The following TMX4 variants were observed in gnomAD, a reference collection of about 807,000 sequenced individuals.
TMX4 encodes thioredoxin-related transmembrane protein 4.
TMX4 carries 23 observed loss-of-function variants against 33.3 expected under a neutral mutation model. That is an observed-to-expected ratio of 0.69 (90% CI 0.50 to 0.98). The LOEUF is 0.98. Ranked by LOEUF, TMX4 falls within the 50% of genes least tolerant of loss-of-function variation. TMX4 has a pLI of 0.00. For synonymous variants in TMX4, 164 were observed against 161.5 expected, an observed-to-expected ratio of 1.02 and a Z score of -0.12; for missense variants, 399 against 448.9, an observed-to-expected ratio of 0.89 and a Z score of 1.01.
At chr20:8,010,340 A>G (rs2050747931) in intron 1 of TMX4, 25 bp from the exon 2 acceptor site, 2 of 1,475,426 alleles carry the variant, frequency 1.4e-6, no homozygotes, top group Non-Finnish European at 1.9e-6. Context: ...TAAGAATTAT[A>G]TTGATAAATA....
chr20:7,985,322 G>A (rs2050626879), intron 6 of TMX4, among the ~76,000 whole-genome samples: 1 of 148,098 alleles, frequency 6.8e-6, no homozygotes, highest in African/African-American at 2.5e-5. Flanking sequence ...CACCCAGGCT[G>A]GAGTACAGTG....
rs150263365 is a variant in TMX4, at chr20:7,994,055, T to C, written c.513+1971A>G. Among the ~76,000 whole-genome samples, 1,068 of 152,166 alleles carry C rather than the reference T, an allele frequency of 7.0e-3. 15 individuals are homozygous for C. The highest frequency in any genetic ancestry group is 0.025 in the African/African-American group (1,018 of 41,506). ...TTATAAAAAAGAAAACACATGGTAT[T>C]AATACTAGATAAAACTATTTTACAA... On this transcript the variant is annotated intron_variant, in intron 5 of 7. Transcript: ENST00000246024.
At chr20:8,000,417 G>C (rs2050700280) in intron 3 of TMX4, among the ~76,000 whole-genome samples, 1 of 152,060 alleles carries the variant, frequency 6.6e-6, no homozygotes, top group South Asian at 2.1e-4. Flanking sequence ...GGACTCCCTT[G>C]AAACCACTCA....
intron 7 of TMX4, 88 bp from the exon 8 acceptor site, chr20:7,982,709 A>G: frequency 7.1e-7 from 1 of 1,413,968 alleles, no homozygotes; most frequent in South Asian, 1.4e-5. Context: ...AAATAAAAAT[A>G]GAGGGTAAGT....
At chr20:7,987,253 C>A (rs1190725269) in intron 6 of TMX4, 35 bp downstream of exon 6, 4 of 1,382,428 alleles carry the variant, frequency 2.9e-6, no homozygotes, top group Non-Finnish European at 4.0e-6. Flanking sequence ...TTCATTTTGC[C>A]TTAAAGATAG....
At chr20:8,016,890 A>G (rs1271895305) in intron 1 of TMX4, among the ~76,000 whole-genome samples, 1 of 152,234 alleles carries the variant, frequency 6.6e-6, no homozygotes, top group Non-Finnish European at 1.5e-5. Context: ...ACATCTTTGA[A>G]CTACTAACAA....
chr20:7,987,254 T>C (rs919991104), intron 6 of TMX4, 34 bp downstream of exon 6: 60 of 1,395,898 alleles, frequency 4.3e-5, no homozygotes, highest in Non-Finnish European at 5.5e-5. Flanking sequence ...TCATTTTGCC[T>C]TAAAGATAGA....
intron 7 of TMX4, among the ~76,000 whole-genome samples, chr20:7,983,006 C>A (rs2050615761): frequency 6.6e-6 from 1 of 152,172 alleles, no homozygotes; most frequent in Non-Finnish European, 1.5e-5. Context: ...GAGAAACAGC[C>A]TCTTTTTCTT....
In TMX4 at chr20:8,019,741, C is replaced by A. The variant is rs2050806568; in HGVS notation, c.-128G>T. 3.8e-6 allele frequency: 3 copies of A among 786,450 alleles called. No homozygotes were observed. In the Admixed American group the frequency reaches 1.3e-4, roughly 35 times the overall value. The allele number at this position is 786,450 out of a possible 1,614,324, so 48.7% of individuals were successfully genotyped here. On this transcript the variant is annotated 5_prime_UTR_variant, in exon 1 of 8. Coordinates refer to ENST00000246024, the MANE Select transcript of TMX4 (RefSeq NM_021156.4). ...CAAGGGCCACCCCGCCTACGCCTAGCGGCGCAGACTGGCGGTGCTCGCAAT... is the reference window on the plus strand; with the variant it reads ...CAAGGGCCACCCCGCCTACGCCTAGAGGCGCAGACTGGCGGTGCTCGCAAT...
chr20:8,015,628 T>C (rs1371570444), intron 1 of TMX4, among the ~76,000 whole-genome samples: 9 of 152,170 alleles, frequency 5.9e-5, no homozygotes, highest in Non-Finnish European at 1.0e-4. Flanking sequence ...ATTTAGTGAG[T>C]TGTCTCTCAA....
intron 3 of TMX4, among the ~76,000 whole-genome samples, chr20:8,000,618 C>G (rs2050701675): frequency 1.3e-5 from 2 of 152,102 alleles, no homozygotes; most frequent in Admixed American, 1.3e-4. Context: ...CACTGTCTTC[C>G]TTGCAGATGT....
At chr20:8,002,315 A>T (rs1354987488) in intron 2 of TMX4, among the ~76,000 whole-genome samples, 1 of 152,208 alleles carries the variant, frequency 6.6e-6, no homozygotes, top group Non-Finnish European at 1.5e-5. Context: ...TACAACCTTT[A>T]TTCTCACAGA....
rs1446218640 is a variant in TMX4 at position 7,978,579 on chromosome 20, G to C, written c.*3672C>G. The C allele has an allele frequency of 6.6e-6, 1 of 152,180 alleles. No individual in the cohort carries two copies. Among genetic ancestry groups the C allele is most frequent in the Non-Finnish European group, 1.5e-5 (1 of 68,038 alleles). The allele number at this position is 152,180 out of a possible 1,614,324, so 9.4% of individuals were successfully genotyped here. ...TTTTGTTTTTTTTCCACTATCAAAAGCCAACTCAGCTGAAGCTTATCTATT... is the reference window on the plus strand; with the variant it reads ...TTTTGTTTTTTTTCCACTATCAAAACCCAACTCAGCTGAAGCTTATCTATT... On this transcript the variant is annotated 3_prime_UTR_variant, in exon 8 of 8. Coordinates refer to ENST00000246024, the MANE Select transcript of TMX4 (RefSeq NM_021156.4).
At position 8,019,638 on chromosome 20, in the gene TMX4, G is replaced by A. The variant is rs575951251; in HGVS notation, c.-25C>T. 1.4e-5 allele frequency: 18 copies of A among 1,328,050 alleles called. No individual in the cohort carries two copies. The highest frequency in any genetic ancestry group is 1.7e-5 in the Non-Finnish European group (18 of 1,039,526). 82.3% of individuals were successfully genotyped at this position (1,328,050 alleles called of 1,614,324 possible). On this transcript the variant is annotated 5_prime_UTR_variant, in exon 1 of 8. Coordinates refer to ENST00000246024, the MANE Select transcript of TMX4 (RefSeq NM_021156.4). ...TGTTGGGCGCCGAGCGAGGCTTCTC[G>A]GCGGGGAGTGTGGGGAAGGGCAGCG...
intron 5 of TMX4, among the ~76,000 whole-genome samples, chr20:7,988,741 T>C (rs2050640982): frequency 1.3e-5 from 2 of 152,158 alleles, no homozygotes; most frequent in Non-Finnish European, 2.9e-5. Context: ...TAAGAGTAAC[T>C]TGGCTGGACA....
chr20:8,005,614 A>G (rs1191966632), intron 2 of TMX4, among the ~76,000 whole-genome samples: 2 of 152,134 alleles, frequency 1.3e-5, no homozygotes, highest in Non-Finnish European at 2.9e-5. Flanking sequence ...CATCCTGTGC[A>G]TATATAAACC....
At chr20:7,990,816 A>C (rs954262762) in intron 5 of TMX4, among the ~76,000 whole-genome samples, 9 of 152,218 alleles carry the variant, frequency 5.9e-5, no homozygotes, top group Non-Finnish European at 1.3e-4. Context: ...CAGCTAGAAA[A>C]GACTCTTCAA....
At chr20:7,982,891 G>C (rs1349729704) in intron 7 of TMX4, among the ~76,000 whole-genome samples, 1 of 152,168 alleles carries the variant, frequency 6.6e-6, no homozygotes, top group African/African-American at 2.4e-5. Context: ...GGTATTTTGT[G>C]TCTTGTAGAA....
At chr20:8,017,911 T>A (rs762850923) in intron 1 of TMX4, among the ~76,000 whole-genome samples, 1 of 152,194 alleles carries the variant, frequency 6.6e-6, no homozygotes. Flanking sequence ...AATAATTTCA[T>A]TGATTTATTA....
Sources: allele counts gnomAD v4.1 joint callset (sites outside exome capture counted in the v4.1 genomes callset), GRCh38; gene constraint gnomAD v4.1.1; transcripts MANE v1.5; gene names NCBI Gene and HGNC (gene_info 2026-07-23, HGNC 2026-07-21).